ADARB2: variants seen among roughly 807,000 people sequenced by gnomAD.
ADARB2 encodes inactive double-stranded RNA-specific editase B2.
In ADARB2, 25 loss-of-function variants were observed where a neutral mutation model predicts 62.2. The ratio of observed to expected loss-of-function variants is 0.40; its 90% CI spans 0.29 to 0.56. The LOEUF (loss-of-function observed/expected upper bound fraction) is 0.56, where lower values mean the gene tolerates loss of function less well. ADARB2 is among the 20% of genes least tolerant of loss of function. The pLI, the probability that ADARB2 is intolerant of heterozygous loss-of-function variation, is 0.43. For missense variants in ADARB2, 1,071 were observed against 1,077.4 expected (o/e 0.99, Z 0.08); for synonymous variants, 572 against 500.8 (o/e 1.14, Z -1.90).
intron 1 of ADARB2, among the ~76,000 whole-genome samples, chr10:1,522,886 T>C (rs1406433857): frequency 6.6e-6 from 1 of 152,100 alleles, no homozygotes; most frequent in African/African-American, 2.4e-5. Flanking sequence ...ACCAGACACC[T>C]TGTTTGTGCC....
rs149742323 is a variant in ADARB2, at chr10:1,405,714, A to C, written c.101-26554T>G. ...CCCACATCTTTACAATGTATGTTGA[A>C]GCCTCTAAGAAGCTGTGCACCAAGA... On this transcript the variant is annotated intron_variant, in intron 1 of 9. Coordinates refer to ENST00000381312, the MANE Select transcript of ADARB2 (RefSeq NM_018702.4). Among the ~76,000 whole-genome samples, 551 of 152,182 alleles carry C rather than the reference A, an allele frequency of 3.6e-3. 2 individuals are homozygous for C. The highest frequency in any genetic ancestry group is 0.013 in the African/African-American group (519 of 41,500).
At chr10:1,188,764 A>T (rs1044035270) in intron 8 of ADARB2, among the ~76,000 whole-genome samples, 1 of 152,136 alleles carries the variant, frequency 6.6e-6, no homozygotes, top group Non-Finnish European at 1.5e-5. Flanking sequence ...AGATCCCTGG[A>T]GTCTAATGTG....
chr10:1,270,848 A>T (rs1305555939), intron 4 of ADARB2, 107 bp downstream of exon 4: 2 of 938,386 alleles, frequency 2.1e-6, no homozygotes, highest in African/African-American at 3.3e-5. Flanking sequence ...TTTCTTTGTC[A>T]CAGCCTGTTG....
intron 1 of ADARB2, among the ~76,000 whole-genome samples, chr10:1,729,240 A>T (rs1409347010): frequency 2.6e-5 from 4 of 152,222 alleles, no homozygotes; most frequent in Admixed American, 1.3e-4. Flanking sequence ...ATTGTTTTTT[A>T]ATAAAACAAA....
intron 1 of ADARB2, among the ~76,000 whole-genome samples, chr10:1,582,488 T>C (rs1833118288): frequency 6.6e-6 from 1 of 152,228 alleles, no homozygotes; most frequent in Non-Finnish European, 1.5e-5. Context: ...CTTCGAAGAA[T>C]AAATCCATGC....
chr10:1,469,234 C>T (rs1014789533), intron 1 of ADARB2, among the ~76,000 whole-genome samples: 3 of 152,214 alleles, frequency 2.0e-5, no homozygotes, highest in African/African-American at 7.2e-5. Flanking sequence ...TCCCCAGTGC[C>T]CCCTGCAAAG....
At chr10:1,689,880 G>A (rs548503728) in intron 1 of ADARB2, among the ~76,000 whole-genome samples, 1 of 152,124 alleles carries the variant, frequency 6.6e-6, no homozygotes, top group African/African-American at 2.4e-5. Context: ...AGTTACGTAG[G>A]GGTCTCTATT....
intron 1 of ADARB2, among the ~76,000 whole-genome samples, chr10:1,406,488 C>T (rs544169545): frequency 2.0e-5 from 3 of 152,320 alleles, no homozygotes; most frequent in Admixed American, 2.0e-4. Context: ...CTCCTTTCTT[C>T]TTCATCTCTG....
At chr10:1,302,008 T>A (rs534068144) in intron 3 of ADARB2, among the ~76,000 whole-genome samples, 25 of 152,186 alleles carry the variant, frequency 1.6e-4, no homozygotes, top group African/African-American at 5.5e-4. Context: ...AAAATGTATC[T>A]CCCATCTAGG....
At chr10:1,568,140 T>G (rs1832881585) in intron 1 of ADARB2, among the ~76,000 whole-genome samples, 1 of 152,220 alleles carries the variant, frequency 6.6e-6, no homozygotes, top group African/African-American at 2.4e-5. Flanking sequence ...GGGAACAGTG[T>G]CACCTCGCAG....
chr10:1,635,306 T>C (rs1833905849), intron 1 of ADARB2, among the ~76,000 whole-genome samples: 1 of 152,354 alleles, frequency 6.6e-6, no homozygotes, highest in East Asian at 1.9e-4. Context: ...TCAAGCTCTG[T>C]GCAAAGTGCT....
intron 3 of ADARB2, among the ~76,000 whole-genome samples, chr10:1,349,724 T>C (rs2131843281): frequency 6.6e-6 from 1 of 152,320 alleles, no homozygotes; most frequent in South Asian, 2.1e-4. Context: ...ATTTTATCCA[T>C]TGACCCAAAA....
intron 1 of ADARB2, among the ~76,000 whole-genome samples, chr10:1,626,849 T>C (rs984110488): frequency 6.6e-6 from 1 of 152,196 alleles, no homozygotes; most frequent in African/African-American, 2.4e-5. Flanking sequence ...AAACCACAGT[T>C]ACTTTTGCAC....
chr10:1,647,096 C>A (rs1008774307), intron 1 of ADARB2, among the ~76,000 whole-genome samples: 3 of 152,252 alleles, frequency 2.0e-5, no homozygotes, highest in African/African-American at 7.2e-5. Context: ...ACAGTGCCTG[C>A]TGCTCTGGAG....
Position 1,390,774 on chromosome 10 carries a change from C to T in ADARB2, c.101-11614G>A, listed in dbSNP as rs1004068928. Among the ~76,000 whole-genome samples the T allele has an allele frequency of 2.6e-5, 4 of 152,194 alleles. 1 individual carries two copies. The highest frequency in any genetic ancestry group is 2.0e-4 in the Admixed American group (3 of 15,284). The stretch of plus-strand genomic sequence containing the variant: ...AGAGCCAACTTTGGATTTGCAGATC[C>T]TCTGCATCTACATAAAGTGAAGGGG... On this transcript the variant is annotated intron_variant, in intron 1 of 9. Transcript: ENST00000381312.
At chr10:1,223,242 C>CTTGTGATT (rs1428700228) in intron 6 of ADARB2, among the ~76,000 whole-genome samples, 4 of 152,076 alleles carry the variant, frequency 2.6e-5, no homozygotes, top group African/African-American at 9.7e-5. Context: ...TATAAGAATG[C>CTTGTGATT]TTGTGATTTT....
Position 1,209,314 on chromosome 10 carries a change from C to T in ADARB2, c.1682+7637G>A, listed in dbSNP as rs376786666. Among the ~76,000 whole-genome samples the T allele has an allele frequency of 2.7e-3, 339 of 125,622 alleles. 2 individuals are homozygous for T. Among genetic ancestry groups the T allele is most frequent in the African/African-American group, 0.011 (320 of 30,304 alleles). The allele number at this position is 125,622 out of a possible 152,430, so 82.4% of individuals were successfully genotyped here. A position where few individuals can be genotyped will look rare whatever the true frequency, so the allele number is the denominator to read the frequency against. On this transcript the variant is annotated intron_variant, in intron 7 of 9. Transcript: ENST00000381312. Reference sequence around the variant, plus strand: ...TCACCCATGCCCACACCTACAGCCTCGCCCACACCCACGCCATCACCCACA... The same window carrying T: ...TCACCCATGCCCACACCTACAGCCTTGCCCACACCCACGCCATCACCCACA...
intron 1 of ADARB2, among the ~76,000 whole-genome samples, chr10:1,508,433 A>T (rs1375111508): frequency 6.6e-6 from 1 of 152,172 alleles, no homozygotes; most frequent in Non-Finnish European, 1.5e-5. Context: ...GGAGACTCCC[A>T]GGAGGCCCTT....
intron 8 of ADARB2, 200 bp downstream of exon 8, chr10:1,199,766 A>G (rs1474896359): frequency 1.8e-6 from 1 of 545,386 alleles, no homozygotes; most frequent in Non-Finnish European, 3.1e-6. Context: ...TCACATCAGG[A>G]CCTGGCCTAT....
Sources: gnomAD v4.1 joint callset for allele counts (sites outside exome capture counted in the v4.1 genomes callset) on GRCh38, gnomAD v4.1.1 for gene constraint, MANE v1.5 for transcripts, NCBI Gene and HGNC (gene_info 2026-07-23, HGNC 2026-07-21) for gene names.